KIAA0586: variants seen among roughly 807,000 people sequenced by gnomAD.
The protein encoded by KIAA0586 is protein TALPID3.
In KIAA0586, 144 loss-of-function variants were observed where a neutral mutation model predicts 169.8. That is an observed-to-expected ratio of 0.85 (90% CI 0.74 to 0.97). The LOEUF (loss-of-function observed/expected upper bound fraction) is 0.97, where lower values mean the gene tolerates loss of function less well. KIAA0586 is among the 50% of genes least tolerant of loss of function. The pLI is 0.00. For synonymous variants in KIAA0586, 625 were observed against 612.4 expected (o/e 1.02, Z -0.30); for missense variants, 1,854 against 1,823.0 (o/e 1.02, Z -0.31).
At chr14:58,496,973 CA>C (rs1566900177) in intron 26 of KIAA0586, among the ~76,000 whole-genome samples, 1 of 89,806 alleles carries the variant, frequency 1.1e-5, no homozygotes, top group Non-Finnish European at 2.0e-5. Flanking sequence ...TCATTTAAAA[CA>C]ATTTTTTTTT....
rs367811307 is a variant in KIAA0586, at chr14:58,482,678, C to G, written c.3110C>G (p.Ser1037Cys). 4 of 1,576,130 alleles carry G rather than the reference C, an allele frequency of 2.5e-6. No homozygotes were observed. Among genetic ancestry groups the G allele is most frequent in the Non-Finnish European group, 3.4e-6 (4 of 1,164,224 alleles). ...KKQGPVATGV[S>C]GDASTNETYL... ...CAAGGTCCTGTTGCTACAGGTGTTT[C>G]TGGGGATGCTTCAACAAATGAAACA... Residue 1037 changes from serine (S) to cysteine (C), a missense_variant, in exon 21 of 31, where the codon TCT (serine) becomes TGT (cysteine). Coordinates refer to ENST00000652326, the MANE Select transcript of KIAA0586 (RefSeq NM_001329943.3).
intron 27 of KIAA0586, 106 bp from the exon 28 acceptor site, chr14:58,508,449 A>G (rs1271990196): frequency 4.7e-6 from 4 of 855,118 alleles, no homozygotes; most frequent in South Asian, 1.8e-5. Context: ...TGCTAGTTCT[A>G]ATTCAGCAGG....
chr14:58,428,196 C>A lies in KIAA0586; in HGVS notation c.-69C>A, dbSNP rs145502517. The A allele has an allele frequency of 2.5e-5, 39 of 1,535,054 alleles. No individual in the cohort carries two copies. The South Asian group carries it at 4.7e-4, about 19-fold the overall frequency. On this transcript the variant is annotated 5_prime_UTR_variant, in exon 1 of 31. It adds an upstream start codon to the 5' untranslated region. Transcript: ENST00000652326. ...ATTGCAAAGAGGTGAAAATTTTGTT[C>A]TGAAGTCTTAAGGAAACAGAGAAAG...
At chr14:58,440,883 T>C (rs1037616252) in intron 4 of KIAA0586, 3 of 152,710 alleles carry the variant, frequency 2.0e-5, no homozygotes, top group Non-Finnish European at 4.4e-5. Context: ...AAAGGTATAA[T>C]TTCTCTTAGA....
intron 9 of KIAA0586, among the ~76,000 whole-genome samples, chr14:58,453,853 A>G (rs892260873): frequency 1.3e-5 from 2 of 152,074 alleles, no homozygotes; most frequent in Non-Finnish European, 2.9e-5. Flanking sequence ...TCATTTTAGT[A>G]TTTTCTCTAT....
Position 58,478,921 on chromosome 14 carries a change from A to G in KIAA0586, c.2944+1680A>G, listed in dbSNP as rs552121947. Among the ~76,000 whole-genome samples, 6 of 152,360 alleles carry G rather than the reference A, an allele frequency of 3.9e-5. No individual in the cohort carries two copies. In the South Asian group the frequency reaches 8.3e-4, roughly 21 times the overall value. On this transcript the variant is annotated intron_variant, in intron 20 of 30. Transcript: ENST00000652326. ...ATTGCATGTAGTAATAGTATAATGT[A>G]TAGATATACCATAATTTGTCAATCC...
chr14:58,487,206 A>G (rs966261167), intron 22 of KIAA0586, 40 bp downstream of exon 22: 7 of 1,529,090 alleles, frequency 4.6e-6, no homozygotes, highest in African/African-American at 1.4e-5. Flanking sequence ...TAATTTTAGC[A>G]ACTATTAAAT....
chr14:58,460,011 T>G lies in KIAA0586; in HGVS notation c.1825T>G (p.Phe609Val). ...TTCTCAAAAGCAAATAGAAGAGCATTTTAGAAATCTACCTATGAGGGGCAT... is the reference window on the plus strand; with the variant it reads ...TTCTCAAAAGCAAATAGAAGAGCATGTTAGAAATCTACCTATGAGGGGCAT... ...KHSQKQIEEH[F>V]RNLPMRGMPA... The change falls in exon 13 of 31, where the codon TTT (phenylalanine) becomes GTT (valine). Residue 609 changes from phenylalanine to valine, a missense_variant. Transcript: ENST00000652326. 1 of 1,534,736 alleles carries G rather than the reference T, an allele frequency of 6.5e-7. No individual in the cohort carries two copies. The highest frequency in any genetic ancestry group is 8.7e-7 in the Non-Finnish European group (1 of 1,146,094).
chr14:58,488,164 T>G, intron 23 of KIAA0586, 55 bp downstream of exon 23: 1 of 1,289,816 alleles, frequency 7.8e-7, no homozygotes, highest in Non-Finnish European at 1.1e-6. Context: ...GTTTGACTTA[T>G]GTGATCCATT....
intron 8 of KIAA0586, among the ~76,000 whole-genome samples, chr14:58,452,622 C>T (rs755787674): frequency 1.3e-4 from 20 of 152,186 alleles, no homozygotes; most frequent in Non-Finnish European, 2.2e-4. Context: ...GATGATGACA[C>T]TTATCAAATT....
intron 29 of KIAA0586, among the ~76,000 whole-genome samples, chr14:58,523,416 G>A (rs975509295): frequency 7.9e-5 from 12 of 151,952 alleles, no homozygotes; most frequent in African/African-American, 2.9e-4. Flanking sequence ...CCCCTTCATT[G>A]TTCTTAACCA....
intron 20 of KIAA0586, among the ~76,000 whole-genome samples, chr14:58,477,537 G>T (rs1428875594): frequency 1.3e-5 from 2 of 152,012 alleles, no homozygotes; most frequent in African/African-American, 4.8e-5. Context: ...TATTAAGGTT[G>T]GTTTCCATAT....
chr14:58,542,832 C>T (rs1172396011), intron 30 of KIAA0586, among the ~76,000 whole-genome samples: 3 of 152,022 alleles, frequency 2.0e-5, no homozygotes, highest in Non-Finnish European at 4.4e-5. Context: ...TATTATCTGG[C>T]TGAATCCTCA....
At chr14:58,506,275 GTAT>G (rs2043933571) in intron 27 of KIAA0586, among the ~76,000 whole-genome samples, 1 of 152,014 alleles carries the variant, frequency 6.6e-6, no homozygotes, top group African/African-American at 2.4e-5. Context: ...TAAATTATAA[GTAT>G]TATTACCATT....
chr14:58,490,002 A>C (rs555110509), intron 24 of KIAA0586, among the ~76,000 whole-genome samples, 162 bp from the exon 25 acceptor site: 1 of 152,314 alleles, frequency 6.6e-6, no homozygotes, highest in South Asian at 2.1e-4. Flanking sequence ...CTTCAAAAAA[A>C]CTGGTAAGAT....
chr14:58,535,292 A>ATTAAAACATAAAAATTTGTTTTAG (rs1367584248), intron 29 of KIAA0586, among the ~76,000 whole-genome samples: 1 of 152,232 alleles, frequency 6.6e-6, no homozygotes, highest in Admixed American at 6.5e-5. Flanking sequence ...CTATTAAAAC[A>ATTAAAACATAAAAATTTGTTTTAG]TAGAGTCTCT....
rs149387780 is a variant in KIAA0586 at position 58,430,220 on chromosome 14, G to T, written c.271-428G>T. Among the ~76,000 whole-genome samples the T allele has an allele frequency of 1.7e-3, 259 of 150,786 alleles. 2 individuals carry two copies. The highest frequency in any genetic ancestry group is 5.8e-3 in the African/African-American group (237 of 41,066). On this transcript the variant is annotated intron_variant, in intron 2 of 30. Transcript: ENST00000652326. ...TTAATGATATCTAAACTTCTCAAAT[G>T]TATGGATACACTGTTATTGTATAAT... is the stretch of plus-strand genomic sequence containing the variant.
intron 9 of KIAA0586, among the ~76,000 whole-genome samples, chr14:58,455,690 G>A (rs1478475696): frequency 1.3e-5 from 2 of 152,056 alleles, no homozygotes; most frequent in African/African-American, 4.8e-5. Flanking sequence ...GTGTGTGTGT[G>A]TGTATGTGTG....
intron 8 of KIAA0586, among the ~76,000 whole-genome samples, chr14:58,451,985 A>G (rs751708257): frequency 1.3e-5 from 2 of 152,180 alleles, no homozygotes; most frequent in East Asian, 1.9e-4. Flanking sequence ...GCCCGGCCAT[A>G]TATGAACTTT....
Sources: allele counts gnomAD v4.1 joint callset (sites outside exome capture counted in the v4.1 genomes callset), GRCh38; gene constraint gnomAD v4.1.1; transcripts MANE v1.5; gene names NCBI Gene and HGNC (gene_info 2026-07-23, HGNC 2026-07-21).